CNR2: variants seen among roughly 807,000 people sequenced by gnomAD.
The protein encoded by CNR2 is cannabinoid receptor 2.
For synonymous variants in CNR2, 172 were observed against 182.2 expected (o/e 0.94, Z 0.45); for missense variants, 379 against 439.9 (o/e 0.86, Z 1.24).
intron 1 of CNR2, among the ~76,000 whole-genome samples, chr1:23,892,861 C>CA (rs1353477096): frequency 2.0e-5 from 3 of 152,056 alleles, no homozygotes; most frequent in Admixed American, 6.6e-5. Flanking sequence ...ACTAAAACTA[C>CA]AAAAATTAGC....
chr1:23,876,871 A>G (rs1448272688), intron 1 of CNR2, among the ~76,000 whole-genome samples: 1 of 152,102 alleles, frequency 6.6e-6, no homozygotes, highest in Non-Finnish European at 1.5e-5. Context: ...TGTCAATAAG[A>G]AGTAACTTTT....
intron 1 of CNR2, among the ~76,000 whole-genome samples, chr1:23,885,655 G>A (rs4648917): frequency 0.73 from 109,656 of 150,574 alleles, 40,569 homozygotes; most frequent in Middle Eastern, 0.81. Context: ...TGAAGCAGGT[G>A]GATCACGAGA....
chr1:23,880,368 G>C (rs761769545), intron 1 of CNR2, among the ~76,000 whole-genome samples: 6 of 151,760 alleles, frequency 4.0e-5, no homozygotes, highest in African/African-American at 7.3e-5. Context: ...TAGTAGAGAC[G>C]GGGTTTCACC....
chr1:23,902,652 G>A, intron 1 of CNR2: 1 of 1,596,508 alleles, frequency 6.3e-7, no homozygotes, highest in Non-Finnish European at 8.5e-7. Flanking sequence ...CACCGTCCTG[G>A]TCGCCCCCGG....
intron 1 of CNR2, among the ~76,000 whole-genome samples, chr1:23,897,685 C>T (rs1349645921): frequency 1.3e-5 from 2 of 152,114 alleles, no homozygotes; most frequent in African/African-American, 4.8e-5. Flanking sequence ...TGGTCTTGAA[C>T]TCCTGACCTT....
chr1:23,906,539 T>C (rs1390925708), intron 1 of CNR2, among the ~76,000 whole-genome samples: 5 of 52,502 alleles, frequency 9.5e-5, no homozygotes, highest in Admixed American at 3.3e-4. Context: ...CTTTCTTTTT[T>C]TTCTTTCTTT....
chr1:23,895,542 C>G (rs1028722424), intron 1 of CNR2, among the ~76,000 whole-genome samples: 16 of 152,104 alleles, frequency 1.1e-4, no homozygotes, highest in Non-Finnish European at 1.6e-4. Context: ...GAGTCTCGCT[C>G]TATCACCAGG....
chr1:23,908,483 A>G (rs1477051084), intron 1 of CNR2, among the ~76,000 whole-genome samples: 2 of 152,166 alleles, frequency 1.3e-5, no homozygotes, highest in Non-Finnish European at 2.9e-5. Flanking sequence ...AACTATTACA[A>G]TAATTATTCA....
chr1:23,911,924 T>C (rs1640594039), intron 1 of CNR2, among the ~76,000 whole-genome samples: 1 of 152,158 alleles, frequency 6.6e-6, no homozygotes, highest in African/African-American at 2.4e-5. Context: ...CTGGTTTTCA[T>C]GCTGCCAACG....
At chr1:23,877,786 C>T (rs557205781) in intron 1 of CNR2, among the ~76,000 whole-genome samples, 1 of 151,638 alleles carries the variant, frequency 6.6e-6, no homozygotes, top group Non-Finnish European at 1.5e-5. Flanking sequence ...CATGATGAAA[C>T]CCTGTCTCTA....
At chr1:23,875,738 G>T in intron 1 of CNR2, 76 bp from the exon 2 acceptor site, 1 of 1,154,522 alleles carries the variant, frequency 8.7e-7, no homozygotes, top group Non-Finnish European at 1.2e-6. Flanking sequence ...ACTGACTGTA[G>T]CCAAAACTGC....
intron 1 of CNR2, among the ~76,000 whole-genome samples, chr1:23,898,099 T>C (rs922657666): frequency 6.6e-6 from 1 of 152,086 alleles, no homozygotes; most frequent in African/African-American, 2.4e-5. Context: ...CGATCTTGGC[T>C]CACTGCAAGC....
Position 23,880,430 on chromosome 1 carries a change from T to G in CNR2, c.-45-4768A>C, listed in dbSNP as rs545214496. ...ACCTCGTGATCTGCCCGCCTTAGCC[T>G]CCCAAAGTGCTGGGATTACAGGCAT... is the stretch of plus-strand genomic sequence containing the variant. On this transcript the variant is annotated intron_variant, in intron 1 of 1. Transcript: ENST00000374472. Among the ~76,000 whole-genome samples, 11 of 152,206 alleles carry G rather than the reference T, an allele frequency of 7.2e-5. 1 individual carries two copies. The highest frequency in any genetic ancestry group is 6.8e-3 in the Middle Eastern group (2 of 294).
rs61646362 is a variant in CNR2, at chr1:23,894,123, T to TAA, written c.-45-18463_-45-18462dup. On this transcript the variant is annotated intron_variant, in intron 1 of 1. Coordinates refer to ENST00000374472, the MANE Select transcript of CNR2 (RefSeq NM_001841.3). ...TGACAGAGCAGACCCTGTCTCAAAT[T>TAA]AAAAAAAAAAAAAGGGACTGGGCAC... Among the ~76,000 whole-genome samples the TAA allele has an allele frequency of 1.1e-3, 165 of 145,684 alleles. 2 individuals carry two copies. Among genetic ancestry groups the TAA allele is most frequent in the East Asian group, 6.0e-3 (29 of 4,872 alleles).
intron 1 of CNR2, among the ~76,000 whole-genome samples, chr1:23,884,584 G>A (rs1167421228): frequency 2.0e-5 from 3 of 151,900 alleles, no homozygotes; most frequent in Non-Finnish European, 4.4e-5. Context: ...GGGATTACAA[G>A]TGTGAGCCAC....
At chr1:23,902,523 A>G (rs970024726) in intron 1 of CNR2, 2 of 1,608,706 alleles carry the variant, frequency 1.2e-6, no homozygotes, top group African/African-American at 2.7e-5. Context: ...TAATAGGATC[A>G]GAAAGGCTGC....
chr1:23,874,412 A>T lies in CNR2; in HGVS notation c.*123T>A. 2.8e-6 allele frequency: 3 copies of T among 1,088,544 alleles called. No homozygotes were observed. The highest frequency in any genetic ancestry group is 4.0e-6 in the Non-Finnish European group (3 of 759,318). The allele number at this position is 1,088,544 out of a possible 1,614,324, so 67.4% of individuals were successfully genotyped here. Reference sequence around the variant, plus strand: ...TCAGTCCCAACACTCATCAGCAAAAAGGGGTCCGTGTCTAGGTGTCTGGGA... The same window carrying T: ...TCAGTCCCAACACTCATCAGCAAAATGGGGTCCGTGTCTAGGTGTCTGGGA... On this transcript the variant is annotated 3_prime_UTR_variant, in exon 2 of 2. Coordinates refer to ENST00000374472, the MANE Select transcript of CNR2 (RefSeq NM_001841.3).
chr1:23,896,815 A>G (rs543566948), intron 1 of CNR2, among the ~76,000 whole-genome samples: 1 of 152,160 alleles, frequency 6.6e-6, no homozygotes, highest in African/African-American at 2.4e-5. Flanking sequence ...TCCCAGGTGG[A>G]ACTGATGGCT....
intron 1 of CNR2, among the ~76,000 whole-genome samples, chr1:23,894,452 GGAAGGAAGGAAGGAAGCA>G: frequency 3.7e-4 from 2 of 5,362 alleles, no homozygotes; most frequent in Non-Finnish European, 8.2e-4. Context: ...ATAAAAGGAA[GGAAGGAAGGAAGGAAGCA>G]AGGAAGGAAG....
Sources: gnomAD v4.1 joint callset for allele counts (sites outside exome capture counted in the v4.1 genomes callset) on GRCh38, gnomAD v4.1.1 for gene constraint, MANE v1.5 for transcripts, NCBI Gene and HGNC (gene_info 2026-07-23, HGNC 2026-07-21) for gene names.